The following LAMB4 variants were observed in gnomAD, a reference collection of about 807,000 sequenced individuals.
The protein encoded by LAMB4 is laminin subunit beta 4, also known as laminin subunit beta-4.
A neutral mutation model predicts 199.2 loss-of-function variants in LAMB4; 196 were observed. The observed-to-expected ratio is 0.98, with a 90% CI of 0.88 to 1.11. The LOEUF (loss-of-function observed/expected upper bound fraction) is 1.11. LAMB4 is among the 50% of genes least tolerant of loss of function. The pLI is 0.00. For missense variants in LAMB4, 2,080 were observed against 2,171.2 expected (o/e 0.96, Z 0.83); for synonymous variants, 744 against 770.6 (o/e 0.97, Z 0.57).
At chr7:108,047,251 T>C (rs1015696405) in intron 28 of LAMB4, among the ~76,000 whole-genome samples, 2 of 152,110 alleles carry the variant, frequency 1.3e-5, no homozygotes, top group African/African-American at 4.8e-5. Context: ...CGCCCACTTA[T>C]ATACAAATTT....
At chr7:108,080,180 G>T (rs1047403641) in intron 14 of LAMB4, among the ~76,000 whole-genome samples, 2 of 152,110 alleles carry the variant, frequency 1.3e-5, no homozygotes, top group African/African-American at 4.8e-5. Context: ...GCCTAATTGG[G>T]CATGACAATG....
At chr7:108,069,567 A>C in intron 18 of LAMB4, 141 bp downstream of exon 18, 1 of 705,098 alleles carries the variant, frequency 1.4e-6, no homozygotes, top group South Asian at 2.0e-5. Flanking sequence ...ACACATCAGC[A>C]GACCACTCTG....
rs774990177 is a variant in LAMB4 at position 108,074,768 on chromosome 7, G to C, written c.2124+2176C>G. Reference sequence around the variant, plus strand: ...TATACAAGTCTCTCTTCTGTACTAGGCTGAGAATTATTTTTTAATAAGGAA... The same window carrying C: ...TATACAAGTCTCTCTTCTGTACTAGCCTGAGAATTATTTTTTAATAAGGAA... On this transcript the variant is annotated intron_variant, in intron 17 of 33. Transcript: ENST00000388781. Among the ~76,000 whole-genome samples the C allele has an allele frequency of 1.2e-4, 19 of 152,100 alleles. 1 individual carries two copies. Among genetic ancestry groups the C allele is most frequent in the Non-Finnish European group, 7.4e-5 (5 of 68,020 alleles).
intron 33 of LAMB4, chr7:108,026,991 T>C: frequency 2.2e-6 from 1 of 464,760 alleles, no homozygotes; most frequent in Non-Finnish European, 4.2e-6. Flanking sequence ...CTTCAACTTC[T>C]CTTCCAATCT....
At chr7:108,095,386 T>C (rs777112658) in intron 11 of LAMB4, 49 bp from the exon 12 acceptor site, 1 of 1,350,386 alleles carries the variant, frequency 7.4e-7, no homozygotes, top group Non-Finnish European at 1.1e-6. Context: ...TCCTCCACTC[T>C]TGCAAGTGTA....
intron 10 of LAMB4, among the ~76,000 whole-genome samples, chr7:108,099,011 AG>A (rs1026684480): frequency 6.6e-6 from 1 of 152,260 alleles, no homozygotes; most frequent in African/African-American, 2.4e-5. Flanking sequence ...ATCTAAAAAT[AG>A]ATTTTAAAAA....
At chr7:108,109,488 T>C (rs1311923263) in intron 4 of LAMB4, among the ~76,000 whole-genome samples, 1 of 152,198 alleles carries the variant, frequency 6.6e-6, no homozygotes, top group African/African-American at 2.4e-5. Context: ...ACATGGCCAC[T>C]ATGTGGCAGC....
chr7:108,098,813 G>A (rs1337957801), intron 10 of LAMB4, among the ~76,000 whole-genome samples: 2 of 152,110 alleles, frequency 1.3e-5, no homozygotes, highest in African/African-American at 2.4e-5. Flanking sequence ...TAAATGATTC[G>A]AAAGTCAGAG....
chr7:108,065,758 A>G lies in LAMB4; in HGVS notation c.2836+4T>C. On this transcript the variant is annotated splice_donor_region_variant and intron_variant, in intron 21 of 33. Transcript: ENST00000388781. ...AAAATTGCATCAAGCACTATACTGCATACCCGTATAACCTTGAAGACAATT... is the reference window on the plus strand; with the variant it reads ...AAAATTGCATCAAGCACTATACTGCGTACCCGTATAACCTTGAAGACAATT... The G allele has an allele frequency of 6.2e-7, 1 of 1,613,146 alleles. No homozygotes were observed. Among genetic ancestry groups the G allele is most frequent in the South Asian group, 1.1e-5 (1 of 90,982 alleles).
chr7:108,107,886 A>G, intron 5 of LAMB4, 67 bp from the exon 6 acceptor site: 1 of 1,091,702 alleles, frequency 9.2e-7, no homozygotes, highest in Non-Finnish European at 1.3e-6. Flanking sequence ...TTCAGATTGA[A>G]TATTTGTATT....
intron 21 of LAMB4, among the ~76,000 whole-genome samples, chr7:108,065,478 AT>A (rs1386614451): frequency 3.9e-5 from 6 of 152,156 alleles, no homozygotes; most frequent in Non-Finnish European, 7.3e-5. Flanking sequence ...TGATAATTTT[AT>A]TTTAAATAAA....
At chr7:108,046,581 C>CA (rs954328473) in intron 28 of LAMB4, among the ~76,000 whole-genome samples, 9 of 149,134 alleles carry the variant, frequency 6.0e-5, no homozygotes, top group Admixed American at 2.7e-4. Context: ...AATGCATTCT[C>CA]AAAAAAAAAG....
intron 31 of LAMB4, among the ~76,000 whole-genome samples, chr7:108,031,363 GGAAAA>G (rs2035031318): frequency 9.8e-6 from 1 of 102,532 alleles, no homozygotes; most frequent in African/African-American, 3.7e-5. Flanking sequence ...AAAAGAAAAA[GGAAAA>G]GAAAAAAAAA....
chr7:108,091,795 A>T lies in LAMB4; in HGVS notation c.1551-19T>A. The T allele has an allele frequency of 6.2e-7, 1 of 1,612,154 alleles. No individual in the cohort carries two copies. On this transcript the variant is annotated intron_variant, in intron 13 of 33. Transcript: ENST00000388781. The stretch of plus-strand genomic sequence containing the variant: ...TGAGCACCTGAGGAAAAAGCAATTC[A>T]TCATGAAAAAATGCAAAGTAGGTGA...
chr7:108,116,740 C>A (rs2038421137), intron 2 of LAMB4, among the ~76,000 whole-genome samples: 1 of 152,140 alleles, frequency 6.6e-6, no homozygotes, highest in South Asian at 2.1e-4. Flanking sequence ...TCTTAAAAAC[C>A]CTATGAATTT....
intron 33 of LAMB4, among the ~76,000 whole-genome samples, chr7:108,027,908 G>C (rs963660607): frequency 6.6e-6 from 1 of 151,766 alleles, no homozygotes; most frequent in African/African-American, 2.4e-5. Context: ...TCAGCCTCCC[G>C]AGTAGCTGGG....
intron 33 of LAMB4, chr7:108,026,658 C>T (rs536590947): frequency 1.3e-4 from 30 of 223,956 alleles, no homozygotes; most frequent in African/African-American, 5.7e-4. Flanking sequence ...ATTATGCCCA[C>T]GCATGCTTTC....
intron 24 of LAMB4, among the ~76,000 whole-genome samples, chr7:108,056,909 T>G (rs185070618): frequency 2.4e-4 from 35 of 147,842 alleles, no homozygotes; most frequent in African/African-American, 8.8e-4. Context: ...AGGCTGAAGC[T>G]GCAGTGAGCT....
At chr7:108,026,749 T>A (rs540828204) in intron 33 of LAMB4, 1 of 324,922 alleles carries the variant, frequency 3.1e-6, no homozygotes, top group Non-Finnish European at 6.0e-6. Context: ...CCCCACTCTC[T>A]CAACATTGTT....
Sources: allele counts gnomAD v4.1 joint callset (sites outside exome capture counted in the v4.1 genomes callset), GRCh38; gene constraint gnomAD v4.1.1; transcripts MANE v1.5; gene names NCBI Gene and HGNC (gene_info 2026-07-23, HGNC 2026-07-21).